PDE11A: variants seen among roughly 807,000 people sequenced by gnomAD.
The protein encoded by PDE11A is dual 3',5'-cyclic-AMP and -GMP phosphodiesterase 11A.
Under a neutral mutation model 100.5 loss-of-function variants are expected in PDE11A, and 100 were observed. The ratio of observed to expected loss-of-function variants is 1.00; its 90% CI spans 0.85 to 1.18. The LOEUF (loss-of-function observed/expected upper bound fraction) is 1.18, where lower values mean the gene tolerates loss of function less well. Among genes scored for constraint, PDE11A ranks in the 50% most tolerant of loss-of-function variants. PDE11A has a pLI of 0.00. For synonymous variants in PDE11A, 381 were observed against 420.8 expected (o/e 0.91, Z 1.16); for missense variants, 1,141 against 1,152.6 (o/e 0.99, Z 0.15).
intron 6 of PDE11A, among the ~76,000 whole-genome samples, chr2:177,821,587 T>C (rs570749587): frequency 9.9e-5 from 15 of 151,936 alleles, no homozygotes; most frequent in African/African-American, 2.9e-4. Flanking sequence ...TAACCAGAAG[T>C]GTATGAGAGT....
chr2:177,660,247 A>G (rs1048651845), intron 19 of PDE11A, among the ~76,000 whole-genome samples: 3 of 152,110 alleles, frequency 2.0e-5, no homozygotes, highest in Admixed American at 1.3e-4. Context: ...CTATGCTCAC[A>G]TATAAACATA....
intron 2 of PDE11A, among the ~76,000 whole-genome samples, chr2:178,099,248 A>T (rs971124928): frequency 2.0e-5 from 3 of 152,078 alleles, no homozygotes; most frequent in Non-Finnish European, 4.4e-5. Context: ...CAACATGGTG[A>T]AACCCCGTCT....
At chr2:177,830,969 C>G (rs1322433700) in intron 6 of PDE11A, among the ~76,000 whole-genome samples, 1 of 152,204 alleles carries the variant, frequency 6.6e-6, no homozygotes, top group African/African-American at 2.4e-5. Flanking sequence ...AGTTCTAGCT[C>G]TGTGACATAT....
chr2:177,899,453 AC>A (rs1210891309), intron 3 of PDE11A: 1 of 208,926 alleles, frequency 4.8e-6, no homozygotes, highest in Non-Finnish European at 1.1e-5. Context: ...AAACCAAAAA[AC>A]ATTTTATAAA....
chr2:177,924,601 A>G (rs1355882461), intron 2 of PDE11A, among the ~76,000 whole-genome samples: 1 of 152,152 alleles, frequency 6.6e-6, no homozygotes, highest in Non-Finnish European at 1.5e-5. Context: ...TCCTTCTAAA[A>G]CAGGGCACAA....
chr2:177,853,239 T>A (rs1192677142), intron 5 of PDE11A, among the ~76,000 whole-genome samples: 1 of 151,992 alleles, frequency 6.6e-6, no homozygotes, highest in Non-Finnish European at 1.5e-5. Context: ...ATGGAAAACA[T>A]GGGAAATAAA....
intron 1 of PDE11A, among the ~76,000 whole-genome samples, chr2:178,058,312 C>T (rs1164126826): frequency 1.3e-5 from 2 of 152,186 alleles, no homozygotes; most frequent in Admixed American, 1.3e-4. Context: ...AATTGTAACT[C>T]CCACAATTCC....
At chr2:178,072,975 A>G (rs2087159287), upstream of PDE11A, 2 of 985,356 alleles carry the variant, frequency 2.0e-6, no homozygotes, top group Non-Finnish European at 2.4e-6. Flanking sequence ...TCCTGATTGG[A>G]ACACGATTAG....
chr2:177,849,174 C>G (rs1407182263), intron 5 of PDE11A, among the ~76,000 whole-genome samples: 1 of 152,150 alleles, frequency 6.6e-6, no homozygotes, highest in Non-Finnish European at 1.5e-5. Context: ...CATGGAAACC[C>G]ATCCTTACAC....
Position 177,977,730 on chromosome 2 carries a change from C to T in PDE11A, c.1071+36572G>A, listed in dbSNP as rs1315417579. Among the ~76,000 whole-genome samples, 9 of 144,892 alleles carry T rather than the reference C, an allele frequency of 6.2e-5. 1 individual carries two copies. Among genetic ancestry groups the T allele is most frequent in the African/African-American group, 1.8e-4 (7 of 39,030 alleles). On this transcript the variant is annotated intron_variant, in intron 2 of 19. Transcript: ENST00000286063. Reference sequence around the variant, plus strand: ...TAACCAAAACAGCATGGTACTGGTACCAAAACAGAGATATAGATCAATGGA... The same window carrying T: ...TAACCAAAACAGCATGGTACTGGTATCAAAACAGAGATATAGATCAATGGA...
chr2:177,912,913 A>G (rs1184217662), intron 2 of PDE11A, among the ~76,000 whole-genome samples: 1 of 152,228 alleles, frequency 6.6e-6, no homozygotes, highest in Admixed American at 6.5e-5. Context: ...GTGCAGAAAC[A>G]TAAAATTTAT....
chr2:177,643,763 A>G (rs961781775), intron 19 of PDE11A, among the ~76,000 whole-genome samples: 4 of 152,174 alleles, frequency 2.6e-5, no homozygotes, highest in African/African-American at 9.7e-5. Flanking sequence ...CTAGGAAGAA[A>G]AAATGGCTTC....
chr2:178,083,114 T>C (rs2087307434), intron 2 of PDE11A, among the ~76,000 whole-genome samples: 1 of 151,660 alleles, frequency 6.6e-6, no homozygotes, highest in South Asian at 2.1e-4. Flanking sequence ...TTTTTTTTTT[T>C]TTTGAGATGG....
Position 177,701,132 on chromosome 2 carries a change from G to T in PDE11A, c.2233C>A (p.Leu745Ile). 1 of 1,588,264 alleles carries T rather than the reference G, an allele frequency of 6.3e-7. No individual in the cohort carries two copies. Among genetic ancestry groups the T allele is most frequent in the Non-Finnish European group, 8.6e-7 (1 of 1,156,402 alleles). Reference sequence around the variant, plus strand: ...CATCAGGCCTGTACCTCACTTTGAAGGATCATCACGGCGTGGTTGAAATGG... The same window carrying T: ...CATCAGGCCTGTACCTCACTTTGAATGATCATCACGGCGTGGTTGAAATGG... ...HHHFNHAVMI[L>I]QSEGHNIFAN... The change falls in exon 14 of 20, where the codon CTT becomes ATT. Residue 745 changes from leucine (L) to isoleucine (I), a missense_variant. Coordinates refer to ENST00000286063, the MANE Select transcript of PDE11A (RefSeq NM_016953.4).
intron 15 of PDE11A, among the ~76,000 whole-genome samples, chr2:177,686,018 T>C (rs958358180): frequency 6.6e-6 from 1 of 152,184 alleles, no homozygotes. Context: ...AGACTTCACA[T>C]CACATTAGCA....
At chr2:177,900,006 C>T (rs1420514823) in intron 3 of PDE11A, among the ~76,000 whole-genome samples, 6 of 151,540 alleles carry the variant, frequency 4.0e-5, no homozygotes, top group Non-Finnish European at 7.4e-5. Context: ...TGTAGTAACC[C>T]GTGGTTTTCT....
chr2:177,684,464 G>A (rs2080913267), intron 15 of PDE11A, among the ~76,000 whole-genome samples: 1 of 152,092 alleles, frequency 6.6e-6, no homozygotes, highest in Admixed American at 6.6e-5. Context: ...TCTAAATAAA[G>A]ACAAGATCTG....
intron 2 of PDE11A, among the ~76,000 whole-genome samples, chr2:177,966,120 T>C (rs2105793174): frequency 6.6e-6 from 1 of 152,344 alleles, no homozygotes; most frequent in Non-Finnish European, 1.5e-5. Context: ...GTGTGGCTAT[T>C]GTGAATGGCA....
rs1442376532 is a variant in PDE11A at position 177,628,293 on chromosome 2, C to T, written c.*1114G>A. 6.6e-6 allele frequency: 1 copy of T among 152,622 alleles called. No homozygotes were observed. The highest frequency in any genetic ancestry group is 1.5e-5 in the Non-Finnish European group (1 of 68,032). The allele number at this position is 152,622 out of a possible 1,614,324, so 9.5% of individuals were successfully genotyped here. ...CCCAATGTTCTTTGGATAACACATA[C>T]CATGTCCACAATTTCTCAATATAGG... On this transcript the variant is annotated 3_prime_UTR_variant, in exon 20 of 20. Transcript: ENST00000286063.
Sources: gnomAD v4.1 joint callset for allele counts (sites outside exome capture counted in the v4.1 genomes callset) on GRCh38, gnomAD v4.1.1 for gene constraint, MANE v1.5 for transcripts, NCBI Gene and HGNC (gene_info 2026-07-23, HGNC 2026-07-21) for gene names.